CLYBL: variants seen among roughly 807,000 people sequenced by gnomAD.
The protein encoded by CLYBL is citramalyl-CoA lyase, mitochondrial.
A neutral mutation model predicts 38.9 loss-of-function variants in CLYBL; 31 were observed. That is an observed-to-expected ratio of 0.80 (90% CI 0.60 to 1.08). The LOEUF (loss-of-function observed/expected upper bound fraction) is 1.08, where lower values mean the gene tolerates loss of function less well. Among genes scored for constraint, CLYBL ranks in the 50% least tolerant of loss-of-function variants. CLYBL has a pLI of 0.00. For synonymous variants in CLYBL, 171 were observed against 158.6 expected (o/e 1.08, Z -0.59); for missense variants, 434 against 411.6 (o/e 1.05, Z -0.47).
chr13:99,706,767 A>T (rs1424142733), intron 1 of CLYBL, among the ~76,000 whole-genome samples: 1 of 152,182 alleles, frequency 6.6e-6, no homozygotes, highest in African/African-American at 2.4e-5. Flanking sequence ...CTGCATTTAG[A>T]GTCAGACTGG....
rs199524391 is a variant in CLYBL at position 99,715,527 on chromosome 13, C to G, written c.63-57297C>G. 2.6e-5 allele frequency among the ~76,000 whole-genome samples: 4 copies of G among 151,952 alleles called. No homozygotes were observed. In the East Asian group the frequency reaches 7.7e-4, roughly 29 times the overall value. ...AGGTGATCCTCCTGCCTTAGCCTCC[C>G]AAGTAGCTGGGACTACAGGTGCATG... On this transcript the variant is annotated intron_variant, in intron 1 of 8. Coordinates refer to ENST00000339105, the MANE Select transcript of CLYBL (RefSeq NM_206808.5).
downstream of CLYBL, among the ~76,000 whole-genome samples, chr13:99,898,204 T>C (rs530825227): frequency 1.3e-5 from 2 of 152,338 alleles, no homozygotes; most frequent in South Asian, 4.1e-4. Context: ...TTGGCTGGGT[T>C]CTGTTTTGTT....
chr13:99,767,767 G>A (rs2049296676), intron 1 of CLYBL, among the ~76,000 whole-genome samples: 1 of 151,974 alleles, frequency 6.6e-6, no homozygotes, highest in Non-Finnish European at 1.5e-5. Context: ...TTCAATTATT[G>A]TACTTTTCAG....
At chr13:99,859,163 G>C in intron 3 of CLYBL, 114 bp downstream of exon 3, 2 of 692,420 alleles carry the variant, frequency 2.9e-6, no homozygotes, top group Non-Finnish European at 2.2e-6. Flanking sequence ...AGAGAGGAAG[G>C]GAATTGAGAA....
At chr13:99,856,471 C>A (rs1291046081) in intron 2 of CLYBL, among the ~76,000 whole-genome samples, 1 of 152,182 alleles carries the variant, frequency 6.6e-6, no homozygotes, top group Non-Finnish European at 1.5e-5. Context: ...GCAAGGCTGA[C>A]TTAGCTATTA....
intron 1 of CLYBL, among the ~76,000 whole-genome samples, chr13:99,694,447 C>G (rs780342396): frequency 6.6e-6 from 1 of 152,194 alleles, no homozygotes; most frequent in Non-Finnish European, 1.5e-5. Flanking sequence ...CACGTTTCAG[C>G]CTCGAAGTGA....
intron 1 of CLYBL, among the ~76,000 whole-genome samples, chr13:99,735,452 T>A (rs1282026139): frequency 6.6e-6 from 1 of 152,052 alleles, no homozygotes; most frequent in African/African-American, 2.4e-5. Context: ...CACCTCAGCC[T>A]CCCAAAGTGC....
intron 2 of CLYBL, among the ~76,000 whole-genome samples, chr13:99,802,190 C>T (rs2050149696): frequency 6.6e-6 from 1 of 152,084 alleles, no homozygotes; most frequent in South Asian, 2.1e-4. Context: ...TGGCCAGTTC[C>T]CAGTGAGGGC....
At chr13:99,741,852 C>A (rs2048762658) in intron 1 of CLYBL, among the ~76,000 whole-genome samples, 1 of 151,952 alleles carries the variant, frequency 6.6e-6, no homozygotes, top group Non-Finnish European at 1.5e-5. Context: ...ACAATGAGAG[C>A]TTTTTTTTAA....
chr13:99,757,212 T>C (rs1378428293), intron 1 of CLYBL, among the ~76,000 whole-genome samples: 1 of 152,090 alleles, frequency 6.6e-6, no homozygotes, highest in Non-Finnish European at 1.5e-5. Flanking sequence ...GTGTTATATA[T>C]TTTTTTAATC....
At chr13:99,707,363 G>A (rs1211308177) in intron 1 of CLYBL, among the ~76,000 whole-genome samples, 4 of 151,880 alleles carry the variant, frequency 2.6e-5, no homozygotes, top group Admixed American at 6.6e-5. Context: ...TCCGCCTCCC[G>A]GGTTCAAGCA....
At chr13:99,705,469 AC>A (rs1366801695) in intron 1 of CLYBL, among the ~76,000 whole-genome samples, 2 of 152,136 alleles carry the variant, frequency 1.3e-5, no homozygotes, top group African/African-American at 4.8e-5. Context: ...CATCCCAGCT[AC>A]TTGGGAGGCT....
At chr13:99,737,978 G>A (rs1340481897) in intron 1 of CLYBL, among the ~76,000 whole-genome samples, 2 of 152,156 alleles carry the variant, frequency 1.3e-5, no homozygotes, top group African/African-American at 4.8e-5. Flanking sequence ...TGAGCTTCAT[G>A]GTAATTGAGA....
chr13:99,822,888 A>G (rs957682973), intron 2 of CLYBL, among the ~76,000 whole-genome samples: 1 of 152,178 alleles, frequency 6.6e-6, no homozygotes, highest in African/African-American at 2.4e-5. Flanking sequence ...GTATGGTCAG[A>G]CTGTTATTTC....
At chr13:99,804,566 G>T (rs535772541) in intron 2 of CLYBL, among the ~76,000 whole-genome samples, 1 of 152,046 alleles carries the variant, frequency 6.6e-6, no homozygotes, top group African/African-American at 2.4e-5. Context: ...TTAGGGAAGC[G>T]AAAGGCTCCC....
intron 7 of CLYBL, among the ~76,000 whole-genome samples, chr13:99,878,965 G>T (rs1186505491): frequency 6.6e-6 from 1 of 152,204 alleles, no homozygotes; most frequent in Non-Finnish European, 1.5e-5. Context: ...AGCGTTTAAA[G>T]TAAGCATGGC....
At chr13:99,741,521 A>C (rs754121231) in intron 1 of CLYBL, among the ~76,000 whole-genome samples, 14 of 151,762 alleles carry the variant, frequency 9.2e-5, no homozygotes, top group Non-Finnish European at 1.9e-4. Context: ...ACCTCTCAAC[A>C]CAAAACCATT....
intron 1 of CLYBL, among the ~76,000 whole-genome samples, chr13:99,719,718 G>A (rs1446280115): frequency 6.6e-6 from 1 of 152,138 alleles, no homozygotes; most frequent in East Asian, 1.9e-4. Context: ...ACGTTGGCCA[G>A]GCTGGTCTCA....
chr13:99,692,938 A>G (rs567380504), intron 1 of CLYBL, among the ~76,000 whole-genome samples: 2 of 151,756 alleles, frequency 1.3e-5, no homozygotes, highest in South Asian at 2.1e-4. Context: ...GTAATGTTCA[A>G]TTGTAGGAAT....
Sources: allele counts gnomAD v4.1 joint callset (sites outside exome capture counted in the v4.1 genomes callset), GRCh38; gene constraint gnomAD v4.1.1; transcripts MANE v1.5; gene names NCBI Gene and HGNC (gene_info 2026-07-23, HGNC 2026-07-21).